Variants in ABHD17A observed in about 807,000 individuals in gnomAD.
ABHD17A encodes the protein abhydrolase domain containing 17A, depalmitoylase.
A neutral mutation model predicts 26.8 loss-of-function variants in ABHD17A; 10 were observed. That is an observed-to-expected ratio of 0.37 (90% CI 0.23 to 0.63). The LOEUF (loss-of-function observed/expected upper bound fraction) is 0.63. ABHD17A is among the 30% of genes least tolerant of loss of function. The pLI is 0.61. For missense variants in ABHD17A, 292 were observed against 457.3 expected (o/e 0.64, Z 3.30); for synonymous variants, 167 against 210.9 (o/e 0.79, Z 1.80).
intron 1 of ABHD17A, chr19:1,882,311 G>C (rs1397439910): frequency 2.6e-5 from 4 of 152,320 alleles, no homozygotes; most frequent in African/African-American, 9.6e-5. Flanking sequence ...CACAGGCGCC[G>C]GGTCCCACCG....
intron 1 of ABHD17A, chr19:1,882,565 A>G (rs1290610699): frequency 2.0e-5 from 3 of 152,052 alleles, no homozygotes; most frequent in African/African-American, 2.4e-5. Context: ...ATTCTCATCT[A>G]TAAGTGCAGA....
chr19:1,878,032 G>A (rs1238183506), intron 3 of ABHD17A: 1 of 327,192 alleles, frequency 3.1e-6, no homozygotes. Context: ...TGCACACTGG[G>A]AACTGTGTGG....
chr19:1,877,836 C>G, intron 3 of ABHD17A, 149 bp from the exon 4 acceptor site: 1 of 700,630 alleles, frequency 1.4e-6, no homozygotes, highest in Non-Finnish European at 2.3e-6. Context: ...CCACACCAGT[C>G]CCGAGGGCCA....
rs892516651 is a variant in ABHD17A at position 1,881,657 on chromosome 19, G to A, written c.-91C>T. On this transcript the variant is annotated 5_prime_UTR_variant, in exon 2 of 5. Transcript: ENST00000292577. ...GGCAGGGGAGGGGTGGGGGTGCTCCGAGTCGCGGGCAGGGGGGAGAGCGCC... is the reference window on the plus strand; with the variant it reads ...GGCAGGGGAGGGGTGGGGGTGCTCCAAGTCGCGGGCAGGGGGGAGAGCGCC... 53 of 1,397,482 alleles carry A rather than the reference G, an allele frequency of 3.8e-5. No individual in the cohort carries two copies. The highest frequency in any genetic ancestry group is 2.7e-4 in the Middle Eastern group (1 of 3,772). The allele number at this position is 1,397,482 out of a possible 1,614,324, so 86.6% of individuals were successfully genotyped here. A position where few individuals can be genotyped will look rare whatever the true frequency, so the allele number is the denominator to read the frequency against.
intron 1 of ABHD17A, chr19:1,882,314 T>A (rs1275409013): frequency 6.6e-6 from 1 of 152,156 alleles, no homozygotes; most frequent in African/African-American, 2.4e-5. Context: ...AGGCGCCGGG[T>A]CCCACCGGCC....
Position 1,881,507 on chromosome 19 carries a change from G to A in ABHD17A, c.60C>T (p.Gly20=). The change falls in exon 2 of 5, where the codon GGC becomes GGT. Residue 20 remains glycine (G), a synonymous_variant. Transcript: ENST00000292577. ...GGAAGGCGAGCTTGGCAGCGATGCG[G>A]CCGGGGCAGGGCGGGCAGCAGAAGA... ...CCLFCCPPCP[G]RIAAKLAFLP... The A allele has an allele frequency of 6.2e-7, 1 of 1,604,400 alleles. No individual in the cohort carries two copies. The highest frequency in any genetic ancestry group is 8.5e-7 in the Non-Finnish European group (1 of 1,178,844).
chr19:1,884,409 T>A (rs2012619060), intron 1 of ABHD17A, among the ~76,000 whole-genome samples: 1 of 152,068 alleles, frequency 6.6e-6, no homozygotes, highest in Non-Finnish European at 1.5e-5. Context: ...GACGCCTCAC[T>A]CACTGGGCAC....
chr19:1,880,193 G>A lies in ABHD17A; in HGVS notation c.333-78C>T. 1 of 1,512,314 alleles carries A rather than the reference G, an allele frequency of 6.6e-7. No homozygotes were observed. Among genetic ancestry groups the A allele is most frequent in the Non-Finnish European group, 9.0e-7 (1 of 1,108,536 alleles). The allele number at this position is 1,512,314 out of a possible 1,614,324, so 93.7% of individuals were successfully genotyped here. A position where few individuals can be genotyped will look rare whatever the true frequency, so the allele number is the denominator to read the frequency against. ...CAGGGCAGGAGGATGCGTAGTGACA[G>A]CCCACCCCGGTGGCCAGCCATGCCC... On this transcript the variant is annotated intron_variant, in intron 2 of 4. Transcript: ENST00000292577. The surrounding 1 kb of genome is among the most constrained non-coding windows in gnomAD (Gnocchi z 4.1).
chr19:1,880,554 C>G lies in ABHD17A; in HGVS notation c.333-439G>C, dbSNP rs2012494572. ...ACCTTTCAGGACCTTCCCAGGGGAG[C>G]CCATGCTGCTGCTGGCAGGGCTATC... On this transcript the variant is annotated intron_variant, in intron 2 of 4. Transcript: ENST00000292577. This position sits in a 1 kb window ranked among gnomAD's most constrained non-coding sequence, Gnocchi z 4.1. 6.6e-6 allele frequency among the ~76,000 whole-genome samples: 1 copy of G among 152,204 alleles called. No homozygotes were observed. Among genetic ancestry groups the G allele is most frequent in the Non-Finnish European group, 1.5e-5 (1 of 68,018 alleles).
At chr19:1,882,188 C>G (rs2012560028) in intron 1 of ABHD17A, 1 of 153,136 alleles carries the variant, frequency 6.5e-6, no homozygotes, top group Non-Finnish European at 1.5e-5. Context: ...CTGCCCACTC[C>G]CTCCCCCGGC....
chr19:1,877,424 T>C lies in ABHD17A; in HGVS notation c.709A>G (p.Ile237Val). Residue 237 changes from isoleucine (I) to valine (V), a missense_variant and splice_region_variant, in exon 5 of 5, where the codon ATC (isoleucine) becomes GTC (valine). Around this residue, in one of 4 missense-constraint regions of ABHD17A, gnomAD observed 88 missense variants for 134.3 expected, o/e 0.66. Coordinates refer to ENST00000292577, the MANE Select transcript of ABHD17A (RefSeq NM_001130111.2). ...GACGTGATCTTGGACACCTTCTCGA[T>C]GCTGCGGGAGGGTCGTGGAGCCGGT... ...KTYCFDAFPNIEKVSKITSPV... is the reference protein window; with the variant it reads ...KTYCFDAFPNVEKVSKITSPV... 6.4e-7 allele frequency: 1 copy of C among 1,564,840 alleles called. No homozygotes were observed. Among genetic ancestry groups the C allele is most frequent in the Non-Finnish European group, 8.6e-7 (1 of 1,162,028 alleles).
rs2012369893 is a variant in ABHD17A at position 1,876,859 on chromosome 19, G to T, written c.*341C>A. On this transcript the variant is annotated 3_prime_UTR_variant, in exon 5 of 5. Coordinates refer to ENST00000292577, the MANE Select transcript of ABHD17A (RefSeq NM_001130111.2). ...TCCGCAGAGTAAAACCTATAAGGGG[G>T]TCCGTGCCGATCTCTCCTAGGGACT... 2.9e-6 allele frequency: 1 copy of T among 344,060 alleles called. No individual in the cohort carries two copies. The highest frequency in any genetic ancestry group is 5.4e-6 in the Non-Finnish European group (1 of 185,508). 21.3% of individuals were successfully genotyped at this position (344,060 alleles called of 1,614,324 possible). A position where few individuals can be genotyped will look rare whatever the true frequency, so the allele number is the denominator to read the frequency against.
At position 1,879,913 on chromosome 19, in the gene ABHD17A, G is replaced by A. The variant is rs567594064; in HGVS notation, c.527+8C>T. The A allele has an allele frequency of 3.3e-5, 52 of 1,595,970 alleles. No homozygotes were observed. The Middle Eastern group carries it at 8.3e-4, about 26-fold the overall frequency. On this transcript the variant is annotated splice_region_variant and intron_variant, in intron 3 of 4. Transcript: ENST00000292577. The surrounding 1 kb of genome is among the most constrained non-coding windows in gnomAD (Gnocchi z 7.6). ...CCCAGGCTGAGCTGCCCCCAGGGTC[G>A]CCCTCACCTGGTGCGCAGGGCCTGC...
Position 1,876,986 on chromosome 19 carries a change from A to C in ABHD17A, c.*214T>G. 1.7e-6 allele frequency: 1 copy of C among 579,256 alleles called. No homozygotes were observed. The highest frequency in any genetic ancestry group is 3.1e-6 in the Non-Finnish European group (1 of 325,230). 35.9% of individuals were successfully genotyped at this position (579,256 alleles called of 1,614,324 possible). A position where few individuals can be genotyped will look rare whatever the true frequency, so the allele number is the denominator to read the frequency against. On this transcript the variant is annotated 3_prime_UTR_variant, in exon 5 of 5. Transcript: ENST00000292577. ...GAAGGAGAGCAGCCCTAAAATTTTA[A>C]ATCTTTAATTTCCGTTTTCACGTAT...
chr19:1,881,096 A>G (rs1409700234), intron 2 of ABHD17A, 139 bp downstream of exon 2: 2 of 1,574,858 alleles, frequency 1.3e-6, no homozygotes, highest in Admixed American at 1.8e-5. Flanking sequence ...GACGGGGGAT[A>G]CCACCCTTGC....
Position 1,880,753 on chromosome 19 carries a change from G to A in ABHD17A, c.332+482C>T, listed in dbSNP as rs2012499885. ...CAAGGCCTGTCTGCTTCCCAGCACG[G>A]GAGCTGCCCCAGGTGGTGCCAGGAG... On this transcript the variant is annotated intron_variant, in intron 2 of 4. Coordinates refer to ENST00000292577, the MANE Select transcript of ABHD17A (RefSeq NM_001130111.2). The surrounding 1 kb of genome is among the most constrained non-coding windows in gnomAD (Gnocchi z 4.1). 11 of 1,233,282 alleles carry A rather than the reference G, an allele frequency of 8.9e-6. 1 individual carries two copies. The South Asian group carries it at 1.5e-4, about 17-fold the overall frequency. The allele number at this position is 1,233,282 out of a possible 1,614,324, so 76.4% of individuals were successfully genotyped here.
chr19:1,880,787 C>T lies in ABHD17A; in HGVS notation c.332+448G>A, dbSNP rs571709431. ...CCAGGTGGTGCCAGGAGCAGGTGGC[C>T]AGGCTGGCCCTGCCATGGACTGCTT... On this transcript the variant is annotated intron_variant, in intron 2 of 4. Transcript: ENST00000292577. The surrounding 1 kb of genome is among the most constrained non-coding windows in gnomAD (Gnocchi z 4.1). 1.8e-4 allele frequency: 267 copies of T among 1,491,556 alleles called. No homozygotes were observed. The African/African-American group carries it at 3.4e-3, about 19-fold the overall frequency. 92.4% of individuals were successfully genotyped at this position (1,491,556 alleles called of 1,614,324 possible). A position where few individuals can be genotyped will look rare whatever the true frequency, so the allele number is the denominator to read the frequency against.
intron 1 of ABHD17A, among the ~76,000 whole-genome samples, chr19:1,884,840 G>A (rs2012633629): frequency 6.6e-6 from 1 of 152,120 alleles, no homozygotes. Context: ...AAGAAGTCCC[G>A]AGCAAGCGAT....
Position 1,881,411 on chromosome 19 carries a change from G to T in ABHD17A, c.156C>A (p.Pro52=), listed in dbSNP as rs754382278. Residue 52 remains proline, a synonymous_variant, in exon 2 of 5, where the codon CCC becomes CCA. Transcript: ENST00000292577. ...CCGAGGAGGCTCTCAGGGTCCCCAAGGGGGCGGCCCCGGCCCCACCAGGCC... is the reference window on the plus strand; with the variant it reads ...CCGAGGAGGCTCTCAGGGTCCCCAATGGGGCGGCCCCGGCCCCACCAGGCC... ...EPGPGGAGAA[P]LGTLRASSGA... The T allele has an allele frequency of 1.9e-6, 3 of 1,603,314 alleles. No homozygotes were observed. Among genetic ancestry groups the T allele is most frequent in the Non-Finnish European group, 2.5e-6 (3 of 1,178,540 alleles).
Sources: allele counts gnomAD v4.1 joint callset (sites outside exome capture counted in the v4.1 genomes callset), GRCh38; gene constraint gnomAD v4.1.1; regional missense constraint gnomAD v4.1.1; non-coding constraint Gnocchi (gnomAD v3.1); transcripts MANE v1.5; gene names NCBI Gene and HGNC (gene_info 2026-07-23, HGNC 2026-07-21).